Variants in MOV10L1 observed in about 807,000 individuals in gnomAD.
The protein encoded by MOV10L1 is Mov10 like RNA helicase 1.
A neutral mutation model predicts 143.8 loss-of-function variants in MOV10L1; 110 were observed. That is an observed-to-expected ratio of 0.76 (90% CI 0.66 to 0.90). The LOEUF (loss-of-function observed/expected upper bound fraction) is 0.90. Ranked by LOEUF, MOV10L1 falls within the 40% of genes least tolerant of loss-of-function variation. MOV10L1 has a pLI of 0.00. For synonymous variants in MOV10L1, 593 were observed against 581.1 expected (o/e 1.02, Z -0.29); for missense variants, 1,406 against 1,526.8 (o/e 0.92, Z 1.32).
chr22:50,090,481 G>T (rs1245865697), intron 1 of MOV10L1: 1 of 1,610,072 alleles, frequency 6.2e-7, no homozygotes, highest in East Asian at 2.2e-5. Context: ...TCTCCATGTC[G>T]TTCCTCCCTG....
chr22:50,114,997 T>A, intron 7 of MOV10L1, 117 bp from the exon 8 acceptor site: 3 of 1,181,046 alleles, frequency 2.5e-6, no homozygotes, highest in Non-Finnish European at 3.6e-6. Context: ...GCCCCGTGTT[T>A]TTGTGTGCAT....
chr22:50,127,479 A>G (rs4838808), intron 12 of MOV10L1, among the ~76,000 whole-genome samples: 34,183 of 152,154 alleles, frequency 0.22, 4,204 homozygotes, highest in Admixed American at 0.35. Flanking sequence ...CAGGGGAAAC[A>G]ATCCCATGGC....
chr22:50,110,206 T>A (rs1442967082), intron 5 of MOV10L1, among the ~76,000 whole-genome samples: 2 of 151,620 alleles, frequency 1.3e-5, no homozygotes, highest in Non-Finnish European at 2.9e-5. Context: ...TACCAGCACT[T>A]TGGGAGGCCG....
intron 9 of MOV10L1, among the ~76,000 whole-genome samples, chr22:50,119,923 G>T: frequency 6.6e-6 from 1 of 151,970 alleles, no homozygotes; most frequent in East Asian, 1.9e-4. Context: ...TCGTTTCCCT[G>T]TTCTCTCCTG....
Position 50,108,191 on chromosome 22 carries a change from C to T in MOV10L1, c.498C>T (p.Gly166=), listed in dbSNP as rs140123621. 1.2e-6 allele frequency: 2 copies of T among 1,614,098 alleles called. No individual in the cohort carries two copies. The highest frequency in any genetic ancestry group is 8.5e-7 in the Non-Finnish European group (1 of 1,180,026). ...AGGCTGAGTACCGGATCCGGCCTGG[C>T]ACGTGGAGCAGCGAAGCCACCTCAG... ...WVEAEYRIRP[G]TWSSEATSVK... is the part of the protein sequence containing the mutation. The change falls in exon 4 of 27, where the codon GGC becomes GGT. Residue 166 remains glycine, a synonymous_variant. Coordinates refer to ENST00000262794, the MANE Select transcript of MOV10L1 (RefSeq NM_018995.3).
chr22:50,097,702 G>C lies in MOV10L1; in HGVS notation c.283-1741G>C, dbSNP rs78960991. 2.7e-3 allele frequency among the ~76,000 whole-genome samples: 409 copies of C among 152,158 alleles called. 3 individuals carry two copies. The highest frequency in any genetic ancestry group is 4.6e-3 in the Non-Finnish European group (311 of 67,986). Reference sequence around the variant, plus strand: ...CAGGAGGTATGAAACCTTCAATTTTGTTACTCCTTTTCAAGACCATTTTGC... The same window carrying C: ...CAGGAGGTATGAAACCTTCAATTTTCTTACTCCTTTTCAAGACCATTTTGC... On this transcript the variant is annotated intron_variant, in intron 2 of 26. Transcript: ENST00000262794.
Position 50,117,143 on chromosome 22 carries a change from T to A in MOV10L1, c.1260-14T>A. On this transcript the variant is annotated splice_polypyrimidine_tract_variant and intron_variant, in intron 8 of 26. Transcript: ENST00000262794. ...TTTATGACTAAAACTAAATTTCATT[T>A]TGTTTTTTTCAAGAAATCCTGGCCG... 5 of 1,588,210 alleles carry A rather than the reference T, an allele frequency of 3.1e-6. No homozygotes were observed. The highest frequency in any genetic ancestry group is 1.4e-5 in the African/African-American group (1 of 73,596).
chr22:50,137,779 T>C (rs183309124), intron 15 of MOV10L1, among the ~76,000 whole-genome samples: 1,747 of 93,126 alleles, frequency 0.019, 77 homozygotes, highest in South Asian at 0.072. Context: ...TTTATATATA[T>C]ACATATATAA....
At chr22:50,156,937 G>C (rs58942095) in intron 22 of MOV10L1, among the ~76,000 whole-genome samples, 20,205 of 152,162 alleles carry the variant, frequency 0.13, 1,619 homozygotes, top group East Asian at 0.24. Flanking sequence ...CCATCATCTT[G>C]CTTTCCACAG....
chr22:50,140,028 C>G (rs1053782308), intron 15 of MOV10L1, among the ~76,000 whole-genome samples: 12 of 152,218 alleles, frequency 7.9e-5, no homozygotes, highest in African/African-American at 2.4e-5. Flanking sequence ...AGGACCCATA[C>G]ACAAAGTTCA....
At position 50,095,984 on chromosome 22, in the gene MOV10L1, C is replaced by A. The variant is rs550802245; in HGVS notation, c.283-3459C>A. 2.6e-5 allele frequency: 4 copies of A among 152,136 alleles called. No individual in the cohort carries two copies. In the South Asian group the frequency reaches 8.3e-4, roughly 32 times the overall value. 9.4% of individuals were successfully genotyped at this position (152,136 alleles called of 1,614,324 possible). Reference sequence around the variant, plus strand: ...GCCGTTCTCACTTGATGGGAATGATCCCCATTTGGTATAAACCTGAATGTA... The same window carrying A: ...GCCGTTCTCACTTGATGGGAATGATACCCATTTGGTATAAACCTGAATGTA... On this transcript the variant is annotated intron_variant, in intron 2 of 26. Coordinates refer to ENST00000262794, the MANE Select transcript of MOV10L1 (RefSeq NM_018995.3).
intron 15 of MOV10L1, among the ~76,000 whole-genome samples, chr22:50,140,405 ACT>A (rs2062946890): frequency 6.6e-6 from 1 of 152,134 alleles, no homozygotes; most frequent in African/African-American, 2.4e-5. Flanking sequence ...TGTCAGTCAC[ACT>A]CTGCAAAACA....
chr22:50,112,118 C>T (rs1476015627), intron 5 of MOV10L1, among the ~76,000 whole-genome samples: 4 of 152,216 alleles, frequency 2.6e-5, no homozygotes, highest in Admixed American at 6.5e-5. Flanking sequence ...CCTTGCCCTT[C>T]GGCCCACTGG....
At chr22:50,124,559 G>A (rs1476027186) in intron 10 of MOV10L1, among the ~76,000 whole-genome samples, 2 of 152,202 alleles carry the variant, frequency 1.3e-5, no homozygotes, top group Non-Finnish European at 2.9e-5. Flanking sequence ...CAGCCACCAT[G>A]TGTTCAGACG....
chr22:50,137,736 A>T (rs987098048), intron 15 of MOV10L1, among the ~76,000 whole-genome samples: 4 of 111,664 alleles, frequency 3.6e-5, no homozygotes, highest in Admixed American at 1.9e-4. Context: ...ACATATATAT[A>T]TTTTATATAT....
At chr22:50,099,848 T>A (rs1342527626) in intron 3 of MOV10L1, among the ~76,000 whole-genome samples, 1 of 152,090 alleles carries the variant, frequency 6.6e-6, no homozygotes, top group East Asian at 1.9e-4. Flanking sequence ...ATTGAAGGGA[T>A]CAGTTTTGGG....
chr22:50,150,142 G>A (rs2063257647), intron 20 of MOV10L1, among the ~76,000 whole-genome samples: 1 of 152,208 alleles, frequency 6.6e-6, no homozygotes, highest in African/African-American at 2.4e-5. Context: ...TGATGGTGGC[G>A]TGGGCATCAC....
chr22:50,110,415 C>T (rs1253430406), intron 5 of MOV10L1, among the ~76,000 whole-genome samples: 4 of 151,226 alleles, frequency 2.6e-5, no homozygotes, highest in African/African-American at 9.7e-5. Flanking sequence ...CGCCACTGCA[C>T]TCCAGCCTGC....
At chr22:50,147,988 G>T (rs1221136520) in intron 19 of MOV10L1, among the ~76,000 whole-genome samples, 1 of 152,236 alleles carries the variant, frequency 6.6e-6, no homozygotes, top group African/African-American at 2.4e-5. Flanking sequence ...GTAAGCAGGA[G>T]CCCGCCCCCG....
Sources: gnomAD v4.1 joint callset for allele counts (sites outside exome capture counted in the v4.1 genomes callset) on GRCh38, gnomAD v4.1.1 for gene constraint, MANE v1.5 for transcripts, NCBI Gene and HGNC (gene_info 2026-07-23, HGNC 2026-07-21) for gene names.